EDARADD: variants seen among roughly 807,000 people sequenced by gnomAD.
EDARADD encodes ectodysplasin-A receptor-associated adapter protein.
Under a neutral mutation model 25.6 loss-of-function variants are expected in EDARADD, and 20 were observed. The ratio of observed to expected loss-of-function variants is 0.78; its 90% confidence interval spans 0.55 to 1.14. The LOEUF is 1.14. Ranked by LOEUF, EDARADD falls within the 50% of genes most tolerant of loss-of-function variation. The probability of loss-of-function intolerance (pLI) is 0.00; values close to 1 mark genes in which losing one functional copy is unlikely to be tolerated. For synonymous variants in EDARADD, 86 were observed against 94.4 expected (o/e 0.91, Z 0.52); for missense variants, 225 against 270.1 (o/e 0.83, Z 1.17).
intron 1 of EDARADD, among the ~76,000 whole-genome samples, chr1:236,403,990 G>C (rs1340653200): frequency 6.6e-6 from 1 of 152,204 alleles, no homozygotes; most frequent in Non-Finnish European, 1.5e-5. Context: ...ACCGACCTGG[G>C]GGAGCCCAGG....
chr1:236,408,264 G>T (rs1558113753), intron 1 of EDARADD, among the ~76,000 whole-genome samples: 1 of 151,990 alleles, frequency 6.6e-6, no homozygotes, highest in Non-Finnish European at 1.5e-5. Flanking sequence ...GGGCAGTGGT[G>T]TGATCTCAGC....
chr1:236,436,673 A>T, intron 4 of EDARADD, among the ~76,000 whole-genome samples: 1 of 150,698 alleles, frequency 6.6e-6, no homozygotes, highest in East Asian at 1.9e-4. Context: ...TTTTAGAGGC[A>T]GGACTCAAAG....
intron 3 of EDARADD, among the ~76,000 whole-genome samples, chr1:236,422,458 A>C (rs1206984221): frequency 6.6e-6 from 1 of 152,186 alleles, no homozygotes; most frequent in Non-Finnish European, 1.5e-5. Flanking sequence ...ATGGTCCAAA[A>C]ATTTATAAAA....
At chr1:236,447,757 A>G (rs1658605258) in intron 4 of EDARADD, among the ~76,000 whole-genome samples, 1 of 152,184 alleles carries the variant, frequency 6.6e-6, no homozygotes, top group African/African-American at 2.4e-5. Flanking sequence ...TACTAACAGT[A>G]TTAGTACCCA....
rs140509509 is a variant in EDARADD at position 236,398,627 on chromosome 1, G to A, written c.61+4122G>A. On this transcript the variant is annotated intron_variant, in intron 1 of 5. Coordinates refer to ENST00000334232, the MANE Select transcript of EDARADD (RefSeq NM_145861.4). This position sits in a 1 kb window ranked among gnomAD's most constrained non-coding sequence, Gnocchi z 4.1. ...TTTCCTTGAAGCCTCTTGCACCCTC[G>A]TGCCTCCTGGCCTTTGCAAACTTTG... Among the ~76,000 whole-genome samples the A allele has an allele frequency of 6.6e-5, 10 of 152,144 alleles. No homozygotes were observed. The East Asian group carries it at 1.2e-3, about 18-fold the overall frequency.
intron 4 of EDARADD, among the ~76,000 whole-genome samples, chr1:236,434,266 C>T (rs1430532466): frequency 6.6e-6 from 1 of 151,302 alleles, no homozygotes. Context: ...GAGATGGAAT[C>T]TTGCTCTGTC....
intron 4 of EDARADD, among the ~76,000 whole-genome samples, chr1:236,431,115 AAAATAAAT>A (rs36134200): frequency 7.3e-5 from 11 of 151,548 alleles, no homozygotes; most frequent in African/African-American, 2.2e-4. Context: ...ACCCTGTCTT[AAAATAAAT>A]AAATAAATAA....
chr1:236,428,720 T>A (rs1342791994), intron 4 of EDARADD, among the ~76,000 whole-genome samples: 30 of 144,178 alleles, frequency 2.1e-4, no homozygotes, highest in South Asian at 6.9e-4. Flanking sequence ...CGCTCCTCAC[T>A]TCCCAGACGG....
intron 4 of EDARADD, among the ~76,000 whole-genome samples, chr1:236,452,432 A>C (rs1658738419): frequency 6.6e-6 from 1 of 152,120 alleles, no homozygotes; most frequent in African/African-American, 2.4e-5. Context: ...GGTTATCCCC[A>C]TGCTGTTCTC....
intron 4 of EDARADD, among the ~76,000 whole-genome samples, chr1:236,451,497 A>T (rs1658711134): frequency 6.6e-6 from 1 of 151,482 alleles, no homozygotes; most frequent in Non-Finnish European, 1.5e-5. Context: ...ATCTTGGCTC[A>T]CTGCAACCTC....
intron 5 of EDARADD, among the ~76,000 whole-genome samples, chr1:236,478,398 T>C (rs1299242201): frequency 1.3e-5 from 2 of 148,346 alleles, no homozygotes; most frequent in African/African-American, 2.5e-5. Context: ...TGGATTTATA[T>C]ATATATATAA....
Position 236,395,740 on chromosome 1 carries a change from A to G in EDARADD, c.61+1235A>G. On this transcript the variant is annotated intron_variant, in intron 1 of 5. Coordinates refer to ENST00000334232, the MANE Select transcript of EDARADD (RefSeq NM_145861.4). This position sits in a 1 kb window ranked among gnomAD's most constrained non-coding sequence, Gnocchi z 6.9. ...CTCGGGAGGCGCTCGCAGCAGCCGC[A>G]GGGCTATCGAGGCCGGGCCTCGGCG... 1 of 1,499,282 alleles carries G rather than the reference A, an allele frequency of 6.7e-7. No individual in the cohort carries two copies. The highest frequency in any genetic ancestry group is 8.9e-7 in the Non-Finnish European group (1 of 1,129,454). 92.9% of individuals were successfully genotyped at this position (1,499,282 alleles called of 1,614,324 possible).
At chr1:236,353,698 A>AAAAAAAAG (rs71963407) in intron 3 of EDARADD, among the ~76,000 whole-genome samples, 1 of 144,920 alleles carries the variant, frequency 6.9e-6, no homozygotes, top group Non-Finnish European at 1.5e-5. Context: ...AAAAAAAAAA[A>AAAAAAAAG]GATATTGGAC....
chr1:236,457,397 C>T (rs769109869), intron 4 of EDARADD, among the ~76,000 whole-genome samples: 5 of 151,936 alleles, frequency 3.3e-5, no homozygotes, highest in African/African-American at 1.2e-4. Context: ...TGCCTGTAGT[C>T]GCAGCTACTC....
At chr1:236,426,551 G>A (rs1657923990) in intron 3 of EDARADD, among the ~76,000 whole-genome samples, 1 of 152,190 alleles carries the variant, frequency 6.6e-6, no homozygotes. Flanking sequence ...TCCCATGTGA[G>A]TTCGTGATCA....
At chr1:236,360,887 C>G (rs12743331) in intron 3 of EDARADD, among the ~76,000 whole-genome samples, 14,291 of 151,938 alleles carry the variant, frequency 0.094, 907 homozygotes, top group Non-Finnish European at 0.14. Context: ...AATTGGGAAG[C>G]CAAACTGGAT....
At chr1:236,459,437 T>G (rs189994966) in intron 4 of EDARADD, among the ~76,000 whole-genome samples, 120 of 152,266 alleles carry the variant, frequency 7.9e-4, no homozygotes, top group African/African-American at 2.5e-3. Context: ...GGAACGGTTA[T>G]GTCTTTGACC....
intron 1 of EDARADD, among the ~76,000 whole-genome samples, chr1:236,396,664 G>T (rs1380788175): frequency 2.6e-5 from 4 of 151,936 alleles, no homozygotes; most frequent in Admixed American, 1.3e-4. Context: ...GGGTTTGGGG[G>T]CGTTTCTTGG....
intron 5 of EDARADD, among the ~76,000 whole-genome samples, chr1:236,476,506 T>C (rs1659511178): frequency 6.6e-6 from 1 of 151,314 alleles, no homozygotes; most frequent in Non-Finnish European, 1.5e-5. Context: ...GGGAACATAG[T>C]GAGACCCCTG....
Sources: allele counts gnomAD v4.1 joint callset (sites outside exome capture counted in the v4.1 genomes callset), GRCh38; gene constraint gnomAD v4.1.1; non-coding constraint Gnocchi (gnomAD v3.1); transcripts MANE v1.5; gene names NCBI Gene and HGNC (gene_info 2026-07-23, HGNC 2026-07-21).